Variants in EFCAB6 observed in about 807,000 individuals in gnomAD.
EFCAB6 encodes EF-hand calcium binding domain 6, also known as EF-hand calcium-binding domain-containing protein 6.
In EFCAB6, 156 loss-of-function variants were observed where a neutral mutation model predicts 169.8. That is an observed-to-expected ratio of 0.92 (90% CI 0.81 to 1.05). The LOEUF (loss-of-function observed/expected upper bound fraction) is 1.05, where lower values mean the gene tolerates loss of function less well. EFCAB6 is among the 50% of genes least tolerant of loss of function. EFCAB6 has a pLI of 0.00. For missense variants in EFCAB6, 1,800 were observed against 1,829.1 expected, an observed-to-expected ratio of 0.98 and a Z score of 0.29; for synonymous variants, 698 against 676.4, an observed-to-expected ratio of 1.03 and a Z score of -0.50.
chr22:43,782,463 T>C, intron 2 of EFCAB6, 138 bp from the exon 3 acceptor site: 1 of 702,198 alleles, frequency 1.4e-6, no homozygotes. Context: ...GCTTTGCTGA[T>C]GTTTCAGACT....
chr22:43,536,077 C>T (rs1385084649), intron 29 of EFCAB6: 1 of 151,956 alleles, frequency 6.6e-6, no homozygotes, highest in Non-Finnish European at 1.5e-5. Flanking sequence ...ACAAGCCTAT[C>T]ATAATAACTG....
rs557791433 is a variant in EFCAB6 at position 43,600,072 on chromosome 22, G to C, written c.2873C>G (p.Ala958Gly). 6.2e-7 allele frequency: 1 copy of C among 1,612,664 alleles called. No homozygotes were observed. The highest frequency in any genetic ancestry group is 2.2e-5 in the East Asian group (1 of 44,830). Reference protein sequence around the residue: ...LQQSTEKAVAARDKLMDRHQD... With the variant: ...LQQSTEKAVAGRDKLMDRHQD... ...CCCGTGATCCTTCCTCACTCACCTG[G>C]CTGCCACAGCCTTCTCTGTGCTCTG... is the stretch of plus-strand genomic sequence containing the variant. The change falls in exon 23 of 32, where the codon GCC (alanine) becomes GGC (glycine). Residue 958 changes from alanine to glycine, a missense_variant. Transcript: ENST00000262726.
intron 30 of EFCAB6, among the ~76,000 whole-genome samples, chr22:43,531,387 GA>G (rs1425333304): frequency 3.3e-5 from 5 of 151,698 alleles, no homozygotes; most frequent in African/African-American, 1.2e-4. Context: ...ATAGTTTGAG[GA>G]AAAAAAGAGA....
intron 17 of EFCAB6, 58 bp from the exon 18 acceptor site, chr22:43,635,274 C>G: frequency 8.3e-7 from 1 of 1,203,278 alleles, no homozygotes; most frequent in South Asian, 1.2e-5. Flanking sequence ...GGTCACTACT[C>G]CCAGAGCACC....
At chr22:43,664,893 C>T (rs1371956444) in intron 17 of EFCAB6, among the ~76,000 whole-genome samples, 1 of 151,942 alleles carries the variant, frequency 6.6e-6, no homozygotes, top group African/African-American at 2.4e-5. Context: ...TGTGGCATGG[C>T]CAGGGTGGAA....
At position 43,539,109 on chromosome 22, in the gene EFCAB6, T is replaced by C. The variant is rs551845251; in HGVS notation, c.3879+1018A>G. On this transcript the variant is annotated intron_variant, in intron 28 of 31. Coordinates refer to ENST00000262726, the MANE Select transcript of EFCAB6 (RefSeq NM_022785.4). ...CTCTGGATTCCCAGTTAAAGACCCA[T>C]GTGATTACCCTGAGCCCACCTGCTT... is the stretch of plus-strand genomic sequence containing the variant. Among the ~76,000 whole-genome samples, 59 of 152,210 alleles carry C rather than the reference T, an allele frequency of 3.9e-4. 1 individual carries two copies. In the South Asian group the frequency reaches 1.0e-2, roughly 26 times the overall value.
chr22:43,540,255 C>T lies in EFCAB6; in HGVS notation c.3751G>A (p.Ala1251Thr), dbSNP rs1409685090. The T allele has an allele frequency of 1.2e-6, 2 of 1,614,140 alleles. No individual in the cohort carries two copies. The highest frequency in any genetic ancestry group is 2.2e-5 in the East Asian group (1 of 44,902). ...TGGGCCACGGCCGAGTCACCAGTGG[C>T]CATTGGTGTGGCTGCTGTCTCGGAA... Reference protein sequence around the residue: ...FSSETAATPMATGDSAVAQRG... With the variant: ...FSSETAATPMTTGDSAVAQRG... The change falls in exon 28 of 32, where the codon GCC (alanine) becomes ACC (threonine). Residue 1251 changes from alanine (A) to threonine (T), a missense_variant. Coordinates refer to ENST00000262726, the MANE Select transcript of EFCAB6 (RefSeq NM_022785.4).
intron 21 of EFCAB6, among the ~76,000 whole-genome samples, chr22:43,608,871 T>C (rs963792889): frequency 1.3e-5 from 2 of 152,098 alleles, no homozygotes; most frequent in African/African-American, 2.4e-5. Context: ...ATCAACAACT[T>C]GGGTTCAAAA....
At chr22:43,797,464 T>C (rs2062552338) in intron 2 of EFCAB6, 1 of 152,536 alleles carries the variant, frequency 6.6e-6, no homozygotes, top group Non-Finnish European at 1.5e-5. Context: ...ATCCAGCAAT[T>C]TGCAAGCTAC....
At chr22:43,598,685 T>A (rs2147503035) in intron 23 of EFCAB6, among the ~76,000 whole-genome samples, 1 of 152,268 alleles carries the variant, frequency 6.6e-6, no homozygotes, top group Middle Eastern at 3.4e-3. Context: ...ATGCTTGAGG[T>A]GATGGATTTC....
chr22:43,801,782 G>A (rs1273087434), intron 2 of EFCAB6, among the ~76,000 whole-genome samples: 1 of 152,016 alleles, frequency 6.6e-6, no homozygotes, highest in Non-Finnish European at 1.5e-5. Flanking sequence ...CAACCACAAG[G>A]GAAGACAGTA....
intron 13 of EFCAB6, among the ~76,000 whole-genome samples, chr22:43,675,817 T>C (rs2057733247): frequency 6.7e-6 from 1 of 150,038 alleles, no homozygotes; most frequent in Non-Finnish European, 1.5e-5. Context: ...CTATATACAA[T>C]ATGTCTGGAT....
chr22:43,732,624 G>A (rs1185238675), intron 7 of EFCAB6, among the ~76,000 whole-genome samples: 3 of 151,590 alleles, frequency 2.0e-5, no homozygotes, highest in Non-Finnish European at 4.4e-5. Context: ...ACACCACCAC[G>A]CCTGGCTAAT....
chr22:43,548,539 C>CAAAAAAAAAAAAAAAAAAAA lies in EFCAB6; in HGVS notation c.3648+6310_3648+6329dup, dbSNP rs397868076. ...TGGGTGACAGAGCGAGAATCCATCT[C>CAAAAAAAAAAAAAAAAAAAA]AAAAAAAAAAAAAAAAAAAAAAAAA... On this transcript the variant is annotated intron_variant, in intron 27 of 31. Coordinates refer to ENST00000262726, the MANE Select transcript of EFCAB6 (RefSeq NM_022785.4). 3.5e-4 allele frequency among the ~76,000 whole-genome samples: 13 copies of CAAAAAAAAAAAAAAAAAAAA among 36,750 alleles called. 2 individuals are homozygous for CAAAAAAAAAAAAAAAAAAAA. Among genetic ancestry groups the CAAAAAAAAAAAAAAAAAAAA allele is most frequent in the African/African-American group, 4.4e-4 (4 of 9,060 alleles). The allele number at this position is 36,750 out of a possible 152,430, so 24.1% of individuals were successfully genotyped here.
chr22:43,602,586 T>C (rs1337391692), intron 22 of EFCAB6, among the ~76,000 whole-genome samples: 5 of 152,120 alleles, frequency 3.3e-5, no homozygotes, highest in Non-Finnish European at 5.9e-5. Context: ...ACTAGCCTTG[T>C]GGCACCAGGA....
chr22:43,658,707 G>A (rs1246157977), intron 17 of EFCAB6, among the ~76,000 whole-genome samples: 1 of 152,176 alleles, frequency 6.6e-6, no homozygotes, highest in Non-Finnish European at 1.5e-5. Context: ...CCGTGTCCTC[G>A]GTGGAAGGAC....
chr22:43,793,680 T>C (rs2062393732), intron 2 of EFCAB6, among the ~76,000 whole-genome samples: 1 of 141,818 alleles, frequency 7.1e-6, no homozygotes, highest in African/African-American at 2.6e-5. Flanking sequence ...CTCTGTGGGG[T>C]ACCTGTCTGA....
At chr22:43,724,158 T>C (rs1478290446) in intron 8 of EFCAB6, among the ~76,000 whole-genome samples, 1 of 152,176 alleles carries the variant, frequency 6.6e-6, no homozygotes, top group Non-Finnish European at 1.5e-5. Flanking sequence ...AACACTTTGC[T>C]GCTTAGAAAT....
chr22:43,605,774 G>A (rs1293216061), intron 22 of EFCAB6, among the ~76,000 whole-genome samples: 4 of 152,146 alleles, frequency 2.6e-5, no homozygotes, highest in Admixed American at 6.5e-5. Flanking sequence ...GGTAAACTGC[G>A]TTATGTATAT....
Sources: allele counts gnomAD v4.1 joint callset (sites outside exome capture counted in the v4.1 genomes callset), GRCh38; gene constraint gnomAD v4.1.1; transcripts MANE v1.5; gene names NCBI Gene and HGNC (gene_info 2026-07-23, HGNC 2026-07-21).